The following TTLL11 variants were observed in gnomAD, a reference collection of about 807,000 sequenced individuals.
The protein encoded by TTLL11 is tubulin tyrosine ligase like 11, also known as tubulin polyglutamylase TTLL11.
In TTLL11, 42 loss-of-function variants were observed where a neutral mutation model predicts 51.7. The ratio of observed to expected loss-of-function variants is 0.81; its 90% confidence interval spans 0.64 to 1.05. The LOEUF (loss-of-function observed/expected upper bound fraction) is 1.05, where lower values mean the gene tolerates loss of function less well. Among genes scored for constraint, TTLL11 ranks in the 50% least tolerant of loss-of-function variants. The pLI, the probability that TTLL11 is intolerant of heterozygous loss-of-function variation, is 0.00. For synonymous variants in TTLL11, 381 were observed against 383.5 expected (o/e 0.99, Z 0.08); for missense variants, 799 against 940.4 (o/e 0.85, Z 1.97).
At chr9:122,022,413 G>T (rs1329430497) in intron 3 of TTLL11, among the ~76,000 whole-genome samples, 1 of 151,662 alleles carries the variant, frequency 6.6e-6, no homozygotes, top group Non-Finnish European at 1.5e-5. Context: ...ATATAAAGAA[G>T]ATCAAAAATA....
intron 6 of TTLL11, among the ~76,000 whole-genome samples, chr9:121,931,469 G>A (rs1310302001): frequency 6.6e-6 from 1 of 151,732 alleles, no homozygotes; most frequent in Admixed American, 6.6e-5. Context: ...AAGGCCAGGC[G>A]TGGTGGCTTA....
intron 1 of TTLL11, among the ~76,000 whole-genome samples, chr9:122,073,089 T>C (rs10818623): frequency 0.2 from 30,540 of 152,166 alleles, 3,437 homozygotes; most frequent in Non-Finnish European, 0.24. Context: ...ACAAGACAGA[T>C]GTGGCCCTTG....
chr9:121,871,564 C>T (rs1838359301), intron 6 of TTLL11, among the ~76,000 whole-genome samples: 2 of 152,186 alleles, frequency 1.3e-5, no homozygotes, highest in Non-Finnish European at 2.9e-5. Context: ...CAAAGGCCCT[C>T]CTGCCTCTGG....
At chr9:121,918,860 G>A (rs1048981543) in intron 6 of TTLL11, among the ~76,000 whole-genome samples, 1 of 152,204 alleles carries the variant, frequency 6.6e-6, no homozygotes, top group Non-Finnish European at 1.5e-5. Flanking sequence ...AGGGAAGCCA[G>A]ATACAAAACA....
chr9:121,924,575 A>C (rs1033684806), intron 6 of TTLL11, among the ~76,000 whole-genome samples: 92 of 152,284 alleles, frequency 6.0e-4, no homozygotes, highest in African/African-American at 2.1e-3. Flanking sequence ...AGCAGATGAG[A>C]GTTCTGGAGA....
chr9:122,006,705 C>T (rs536325875), intron 3 of TTLL11, among the ~76,000 whole-genome samples: 1 of 152,222 alleles, frequency 6.6e-6, no homozygotes, highest in South Asian at 2.1e-4. Flanking sequence ...GCTTTTCTGG[C>T]CACATGTGGT....
At chr9:122,060,133 A>G (rs1254419796) in intron 1 of TTLL11, among the ~76,000 whole-genome samples, 1 of 152,170 alleles carries the variant, frequency 6.6e-6, no homozygotes, top group Non-Finnish European at 1.5e-5. Context: ...ATATGGTCAC[A>G]GGGGCGATGT....
At chr9:121,886,071 T>A (rs1387881237) in intron 6 of TTLL11, among the ~76,000 whole-genome samples, 2 of 152,182 alleles carry the variant, frequency 1.3e-5, no homozygotes, top group Non-Finnish European at 2.9e-5. Context: ...CATGTTTATA[T>A]CTCAGCACTG....
At chr9:122,003,152 G>C (rs963417275) in intron 3 of TTLL11, among the ~76,000 whole-genome samples, 7 of 152,042 alleles carry the variant, frequency 4.6e-5, no homozygotes, top group Non-Finnish European at 1.0e-4. Context: ...ATATGTATAA[G>C]AAATAGCAAG....
At chr9:121,865,287 A>AC (rs754934596) in intron 7 of TTLL11, among the ~76,000 whole-genome samples, 7 of 152,072 alleles carry the variant, frequency 4.6e-5, no homozygotes, top group African/African-American at 9.7e-5. Flanking sequence ...GCATGTTAAT[A>AC]CCTCCTTATG....
At chr9:121,860,242 C>T in intron 8 of TTLL11, 95 bp downstream of exon 8, 1 of 892,066 alleles carries the variant, frequency 1.1e-6, no homozygotes, top group Non-Finnish European at 1.7e-6. Flanking sequence ...TCATCTTCTT[C>T]CCCCATCTGA....
At chr9:121,882,380 A>G (rs1588092014) in intron 6 of TTLL11, among the ~76,000 whole-genome samples, 1 of 152,106 alleles carries the variant, frequency 6.6e-6, no homozygotes, top group Non-Finnish European at 1.5e-5. Flanking sequence ...TTCTGCCTCC[A>G]CTGCCCACAT....
At chr9:122,033,392 C>T (rs1400505441) in intron 2 of TTLL11, among the ~76,000 whole-genome samples, 4 of 152,198 alleles carry the variant, frequency 2.6e-5, no homozygotes, top group African/African-American at 9.7e-5. Flanking sequence ...GGATTACAGA[C>T]GTGGCCACCG....
chr9:121,975,032 A>C, intron 4 of TTLL11, 53 bp from the exon 5 acceptor site: 2 of 1,279,906 alleles, frequency 1.6e-6, no homozygotes, highest in South Asian at 1.6e-5. Flanking sequence ...GTATGGTATT[A>C]GGGTCATTAA....
chr9:122,003,281 G>A (rs1843534090), intron 3 of TTLL11, among the ~76,000 whole-genome samples: 1 of 152,076 alleles, frequency 6.6e-6, no homozygotes, highest in East Asian at 1.9e-4. Context: ...AAATTATAAT[G>A]TACTTGGGGG....
chr9:121,910,491 C>T (rs1840075417), intron 6 of TTLL11, among the ~76,000 whole-genome samples: 3 of 152,178 alleles, frequency 2.0e-5, no homozygotes, highest in Non-Finnish European at 2.9e-5. Flanking sequence ...CAGTTTCCTC[C>T]GTCAGCTGAG....
intron 6 of TTLL11, among the ~76,000 whole-genome samples, chr9:121,928,957 C>T (rs995445210): frequency 1.3e-5 from 2 of 152,154 alleles, no homozygotes; most frequent in African/African-American, 4.8e-5. Flanking sequence ...ACACAACATA[C>T]ATTTGCCACA....
chr9:122,053,446 C>G (rs567120289), intron 1 of TTLL11, among the ~76,000 whole-genome samples: 1 of 152,204 alleles, frequency 6.6e-6, no homozygotes, highest in African/African-American at 2.4e-5. Flanking sequence ...GAGGTCCACG[C>G]AGCCCACACA....
chr9:121,904,150 C>T (rs1839855586), intron 6 of TTLL11, among the ~76,000 whole-genome samples: 1 of 151,876 alleles, frequency 6.6e-6, no homozygotes, highest in Admixed American at 6.6e-5. Context: ...ATCCAAGGGA[C>T]ATCTGCAACT....
Sources: gnomAD v4.1 joint callset for allele counts (sites outside exome capture counted in the v4.1 genomes callset) on GRCh38, gnomAD v4.1.1 for gene constraint, MANE v1.5 for transcripts, NCBI Gene and HGNC (gene_info 2026-07-23, HGNC 2026-07-21) for gene names.